The following EPAS1 variants were observed in gnomAD, a reference collection of about 807,000 sequenced individuals.
EPAS1 encodes the protein endothelial PAS domain-containing protein 1.
EPAS1 carries 23 observed loss-of-function variants against 87.9 expected under a neutral mutation model. That is an observed-to-expected ratio of 0.26 (90% CI 0.19 to 0.37). The LOEUF (loss-of-function observed/expected upper bound fraction) is 0.37, where lower values mean the gene tolerates loss of function less well. Ranked by LOEUF, EPAS1 falls within the 10% of genes least tolerant of loss-of-function variation. The pLI is 1.00. For synonymous variants in EPAS1, 508 were observed against 444.3 expected, an observed-to-expected ratio of 1.14 and a Z score of -1.80; for missense variants, 1,138 against 1,120.7, an observed-to-expected ratio of 1.02 and a Z score of -0.22.
intron 2 of EPAS1, among the ~76,000 whole-genome samples, chr2:46,349,718 TTC>T (rs1261000330): frequency 6.6e-6 from 1 of 152,256 alleles, no homozygotes; most frequent in Non-Finnish European, 1.5e-5. Context: ...GCACCCGCTT[TTC>T]TCTGACTTCT....
At chr2:46,338,199 C>T (rs531100320) in intron 1 of EPAS1, among the ~76,000 whole-genome samples, 32 of 152,126 alleles carry the variant, frequency 2.1e-4, no homozygotes, top group Admixed American at 3.9e-4. Context: ...GCTGGGCATG[C>T]CACTAACATC....
In EPAS1 at chr2:46,376,680, G is replaced by T; in HGVS notation, c.1176G>T (p.Lys392Asn). The T allele has an allele frequency of 1.2e-6, 2 of 1,614,020 alleles. No individual in the cohort carries two copies. Among genetic ancestry groups the T allele is most frequent in the Non-Finnish European group, 1.7e-6 (2 of 1,180,008 alleles). ...AGAAGAGTAACTTCCTATTCACCAA[G>T]CTAAAGGAGGAGCCCGAGGAGCTGG... ...VSEKSNFLFT[K>N]LKEEPEELAQ... Residue 392 changes from lysine to asparagine, a missense_variant, in exon 9 of 16, where the codon AAG becomes AAT. This residue lies in a region of EPAS1 where 284 missense variants were observed against 258.4 expected (regional missense o/e 1.10). Coordinates refer to ENST00000263734, the MANE Select transcript of EPAS1 (RefSeq NM_001430.5).
At chr2:46,317,127 A>C (rs1683359862) in intron 1 of EPAS1, among the ~76,000 whole-genome samples, 1 of 152,074 alleles carries the variant, frequency 6.6e-6, no homozygotes, top group East Asian at 1.9e-4. Context: ...TCCTCCACTA[A>C]AGTCTTGAAC....
Position 46,386,384 on chromosome 2 carries a change from G to C in EPAS1, c.*1724G>C, listed in dbSNP as rs114927662. 6.6e-6 allele frequency: 1 copy of C among 152,612 alleles called. No homozygotes were observed. The highest frequency in any genetic ancestry group is 1.5e-5 in the Non-Finnish European group (1 of 68,042). 9.5% of individuals were successfully genotyped at this position (152,612 alleles called of 1,614,324 possible). A position where few individuals can be genotyped will look rare whatever the true frequency, so the allele number is the denominator to read the frequency against. The stretch of plus-strand genomic sequence containing the variant: ...AGAAATTCCTTAGTCATGGTGTTGC[G>C]TAAATCATATTTTAGCTGCACGGCA... On this transcript the variant is annotated 3_prime_UTR_variant, in exon 16 of 16. Transcript: ENST00000263734.
rs747016741 is a variant in EPAS1 at position 46,380,685 on chromosome 2, C to T, written c.2013C>T (p.Val671=). ...GAGCAGCGCCGTTGGGGCCCCCTGT[C>T]TCTCCACCCCATGTCTCCACCTTCA... ...FLGAAPLGPP[V]SPPHVSTFKT... is the part of the protein sequence containing the mutation. Residue 671 remains valine, a synonymous_variant, in exon 12 of 16, where the codon GTC becomes GTT. Coordinates refer to ENST00000263734, the MANE Select transcript of EPAS1 (RefSeq NM_001430.5). This position sits in a 1 kb window ranked among gnomAD's most constrained non-coding sequence, Gnocchi z 4.4. 11 of 1,613,466 alleles carry T rather than the reference C, an allele frequency of 6.8e-6. No individual in the cohort carries two copies. In the African/African-American group the frequency reaches 1.5e-4, roughly 22 times the overall value.
chr2:46,385,435 C>A lies in EPAS1; in HGVS notation c.*775C>A, dbSNP rs1179650319. On this transcript the variant is annotated 3_prime_UTR_variant, in exon 16 of 16. Coordinates refer to ENST00000263734, the MANE Select transcript of EPAS1 (RefSeq NM_001430.5). ...CATATATATGGGTACTTTGTAATATCTAAAAACTTAGAAACGGAAATGGAA... is the reference window on the plus strand; with the variant it reads ...CATATATATGGGTACTTTGTAATATATAAAAACTTAGAAACGGAAATGGAA... 1.3e-5 allele frequency: 2 copies of A among 152,284 alleles called. No individual in the cohort carries two copies. The highest frequency in any genetic ancestry group is 2.9e-5 in the Non-Finnish European group (2 of 68,048). The allele number at this position is 152,284 out of a possible 1,614,324, so 9.4% of individuals were successfully genotyped here. A position where few individuals can be genotyped will look rare whatever the true frequency, so the allele number is the denominator to read the frequency against.
Position 46,363,795 on chromosome 2 carries a change from C to T in EPAS1, c.779+2705C>T, listed in dbSNP as rs553518440. 5.9e-5 allele frequency among the ~76,000 whole-genome samples: 9 copies of T among 152,270 alleles called. No individual in the cohort carries two copies. The South Asian group carries it at 1.9e-3, about 32-fold the overall frequency. On this transcript the variant is annotated intron_variant, in intron 6 of 15. Transcript: ENST00000263734. ...GCATTTTCAGCAAAATCTTGCCTTT[C>T]AAGAAACCTAATTACATGGCCCCAA... is the stretch of plus-strand genomic sequence containing the variant.
chr2:46,326,209 C>A (rs1232494721), intron 1 of EPAS1, among the ~76,000 whole-genome samples: 2 of 152,160 alleles, frequency 1.3e-5, no homozygotes, highest in Non-Finnish European at 2.9e-5. Context: ...AGCAGGGAAC[C>A]AACTTATGCT....
Position 46,375,418 on chromosome 2 carries a change from G to A in EPAS1, c.887-272G>A, listed in dbSNP as rs1378157468. On this transcript the variant is annotated intron_variant, in intron 7 of 15. Coordinates refer to ENST00000263734, the MANE Select transcript of EPAS1 (RefSeq NM_001430.5). This position sits in a 1 kb window ranked among gnomAD's most constrained non-coding sequence, Gnocchi z 4.1. ...GGGATTGGTGATGGGCCACTGCAAA[G>A]CTGCATAGTGAGCGGGTCCCTCCCT... Among the ~76,000 whole-genome samples, 1 of 152,152 alleles carries A rather than the reference G, an allele frequency of 6.6e-6. No homozygotes were observed. Among genetic ancestry groups the A allele is most frequent in the African/African-American group, 2.4e-5 (1 of 41,418 alleles).
Position 46,385,237 on chromosome 2 carries a change from A to AG in EPAS1, c.*578dup, listed in dbSNP as rs1684990257. ...CTCTTTGCTCTAATTTTGGAAAAAA[A>AG]GAAATGTGAAGGGTCAACTCCAACG... On this transcript the variant is annotated 3_prime_UTR_variant, in exon 16 of 16. Coordinates refer to ENST00000263734, the MANE Select transcript of EPAS1 (RefSeq NM_001430.5). The AG allele has an allele frequency of 6.5e-6, 1 of 153,890 alleles. No homozygotes were observed. The highest frequency in any genetic ancestry group is 2.4e-5 in the African/African-American group (1 of 41,396). The allele number at this position is 153,890 out of a possible 1,614,324, so 9.5% of individuals were successfully genotyped here. A position where few individuals can be genotyped will look rare whatever the true frequency, so the allele number is the denominator to read the frequency against.
chr2:46,314,208 A>G (rs563880557), intron 1 of EPAS1, among the ~76,000 whole-genome samples: 2 of 152,266 alleles, frequency 1.3e-5, no homozygotes, highest in African/African-American at 4.8e-5. Context: ...TTTACACCGG[A>G]GGAGTAGAGG....
chr2:46,382,194 C>CAG, intron 14 of EPAS1, 105 bp downstream of exon 14: 7 of 1,179,284 alleles, frequency 5.9e-6, no homozygotes, highest in Non-Finnish European at 8.6e-6. Flanking sequence ...GTACCTGCCT[C>CAG]TCTGAGCCTT....
chr2:46,309,066 A>C (rs1683164179), intron 1 of EPAS1, among the ~76,000 whole-genome samples: 2 of 152,224 alleles, frequency 1.3e-5, no homozygotes, highest in Admixed American at 1.3e-4. Flanking sequence ...GTCAGAATAG[A>C]GGTCTCTTGA....
At chr2:46,298,711 G>C (rs1272953225) in intron 1 of EPAS1, among the ~76,000 whole-genome samples, 1 of 152,214 alleles carries the variant, frequency 6.6e-6, no homozygotes. Flanking sequence ...CTGCCCTCGC[G>C]AGCCTCTCGG....
In EPAS1 at chr2:46,380,232, T is replaced by C; in HGVS notation, c.1560T>C (p.Asp520=). 6.2e-7 allele frequency: 1 copy of C among 1,611,260 alleles called. No homozygotes were observed. Among genetic ancestry groups the C allele is most frequent in the Non-Finnish European group, 8.5e-7 (1 of 1,179,976 alleles). The change falls in exon 12 of 16, where the codon GAT becomes GAC. Residue 520 remains aspartate (D), a synonymous_variant. Transcript: ENST00000263734. The surrounding 1 kb of genome is among the most constrained non-coding windows in gnomAD (Gnocchi z 4.4). ...CCGGTGCTGTCTCCCCTCAGACGGA[T>C]TTCAATGAGCTGGACTTGGAGACAC... ...EAKDQCSTQT[D]FNELDLETLA...
intron 1 of EPAS1, among the ~76,000 whole-genome samples, chr2:46,327,307 G>A (rs1683582787): frequency 6.6e-6 from 1 of 152,206 alleles, no homozygotes; most frequent in Non-Finnish European, 1.5e-5. Flanking sequence ...TATAATCTAA[G>A]TGAGGAGAGG....
intron 1 of EPAS1, among the ~76,000 whole-genome samples, chr2:46,329,857 T>C (rs1683640583): frequency 6.6e-6 from 1 of 152,122 alleles, no homozygotes; most frequent in Non-Finnish European, 1.5e-5. Flanking sequence ...ACACACATCC[T>C]TCTTAAAGAC....
At chr2:46,298,076 G>C in intron 1 of EPAS1, 139 bp downstream of exon 1, 2 of 1,095,234 alleles carry the variant, frequency 1.8e-6, no homozygotes, top group Non-Finnish European at 2.7e-6. Flanking sequence ...AGGGCTGTGA[G>C]GGGGAGAGCA....
Position 46,297,899 on chromosome 2 carries a change from G to C in EPAS1, c.-13G>C. The C allele has an allele frequency of 6.2e-7, 1 of 1,611,670 alleles. No homozygotes were observed. The highest frequency in any genetic ancestry group is 8.5e-7 in the Non-Finnish European group (1 of 1,178,806). ...TGCTCGGCGTCTGAACGTCTCAAAGGGCCACAGCGACAATGACAGCTGACA... is the reference window on the plus strand; with the variant it reads ...TGCTCGGCGTCTGAACGTCTCAAAGCGCCACAGCGACAATGACAGCTGACA... On this transcript the variant is annotated 5_prime_UTR_variant, in exon 1 of 16. Transcript: ENST00000263734.
Sources: allele counts gnomAD v4.1 joint callset (sites outside exome capture counted in the v4.1 genomes callset), GRCh38; gene constraint gnomAD v4.1.1; regional missense constraint gnomAD v4.1.1; non-coding constraint Gnocchi (gnomAD v3.1); transcripts MANE v1.5; gene names NCBI Gene and HGNC (gene_info 2026-07-23, HGNC 2026-07-21).